Variants in PCDHA4 observed in about 807,000 individuals in gnomAD.
PCDHA4 encodes the protein protocadherin alpha 4, also known as protocadherin alpha-4.
PCDHA4 carries 49 observed loss-of-function variants against 61.4 expected under a neutral mutation model. That is an observed-to-expected ratio of 0.80 (90% CI 0.63 to 1.01). The LOEUF is 1.01. PCDHA4 is among the 50% of genes least tolerant of loss of function. The probability of loss-of-function intolerance (pLI) is 0.00; values close to 1 mark genes in which losing one functional copy is unlikely to be tolerated. For synonymous variants in PCDHA4, 590 were observed against 550.3 expected, an observed-to-expected ratio of 1.07 and a Z score of -1.01; for missense variants, 1,254 against 1,235.8, an observed-to-expected ratio of 1.01 and a Z score of -0.22.
Position 140,823,277 on chromosome 5 carries a change from G to A in PCDHA4, c.2385+13705G>A, listed in dbSNP as rs2150124312. 41 of 1,612,320 alleles carry A rather than the reference G, an allele frequency of 2.5e-5. 1 individual carries two copies. In the East Asian group the frequency reaches 8.7e-4, roughly 34 times the overall value. On this transcript the variant is annotated intron_variant, in intron 1 of 3. Transcript: ENST00000530339. ...CTGGTGGAGCGGCGGGTGGGCGAGC[G>A]CCCGCTGTCGAGTTACGTTTCGGTG...
intron 1 of PCDHA4, chr5:140,930,027 T>A (rs1554207548): frequency 6.6e-6 from 1 of 152,190 alleles, no homozygotes; most frequent in Non-Finnish European, 1.5e-5. Context: ...CATAGCAGTG[T>A]TTTGTAACTG....
chr5:140,928,081 C>T (rs782268064), intron 1 of PCDHA4: 1 of 1,614,090 alleles, frequency 6.2e-7, no homozygotes, highest in Non-Finnish European at 8.5e-7. Context: ...CTACTACAGC[C>T]TGCTGATTGA....
intron 1 of PCDHA4, among the ~76,000 whole-genome samples, chr5:140,900,528 C>T (rs1261076566): frequency 2.6e-5 from 4 of 152,214 alleles, no homozygotes; most frequent in South Asian, 4.1e-4. Flanking sequence ...CTGCCCACCT[C>T]GGCTTTCCAA....
intron 1 of PCDHA4, chr5:140,859,371 T>A: frequency 3.8e-6 from 1 of 264,536 alleles, no homozygotes; most frequent in Non-Finnish European, 6.9e-6. Flanking sequence ...TTGTATAGTT[T>A]AATAGCTTCT....
At chr5:140,834,412 G>T in intron 1 of PCDHA4, 1 of 1,611,044 alleles carries the variant, frequency 6.2e-7, no homozygotes, top group Non-Finnish European at 8.5e-7. Flanking sequence ...TACGACCCAG[G>T]GGGCCGACAT....
chr5:140,876,554 A>G (rs2056417075), intron 1 of PCDHA4: 1 of 1,614,052 alleles, frequency 6.2e-7, no homozygotes, highest in South Asian at 1.1e-5. Flanking sequence ...CCTGTGCAAG[A>G]GGATGCTCAG....
intron 1 of PCDHA4, chr5:140,829,736 G>C (rs2150173634): frequency 6.2e-7 from 1 of 1,613,682 alleles, no homozygotes; most frequent in Non-Finnish European, 8.5e-7. Flanking sequence ...GGGCAGCAAC[G>C]TGACGCTGCA....
At position 140,857,115 on chromosome 5, in the gene PCDHA4, T is replaced by C. The variant is rs782131761; in HGVS notation, c.2385+47543T>C. On this transcript the variant is annotated intron_variant, in intron 1 of 3. Coordinates refer to ENST00000530339, the MANE Select transcript of PCDHA4 (RefSeq NM_018907.4). ...GAGGTGATTGTCACTTCTCTGTCTC[T>C]CCCAGTGAAAGAAGATGCTCAAGTG... 20 of 1,597,830 alleles carry C rather than the reference T, an allele frequency of 1.3e-5. 2 individuals carry two copies. In the East Asian group the frequency reaches 3.8e-4, roughly 30 times the overall value.
intron 2 of PCDHA4, among the ~76,000 whole-genome samples, chr5:140,979,796 T>A (rs1322390860): frequency 3.3e-5 from 5 of 152,236 alleles, no homozygotes; most frequent in Non-Finnish European, 7.3e-5. Flanking sequence ...AAACAAATGA[T>A]CACAACTATC....
intron 1 of PCDHA4, among the ~76,000 whole-genome samples, chr5:140,946,015 G>A (rs246056): frequency 0.57 from 86,078 of 151,518 alleles, 25,094 homozygotes; most frequent in African/African-American, 0.71. Context: ...AAGCTCCTGC[G>A]CAGCAAAGAA....
chr5:140,822,217 G>A (rs1554128520), intron 1 of PCDHA4: 1 of 1,614,270 alleles, frequency 6.2e-7, no homozygotes. Flanking sequence ...AAGAATGCCA[G>A]ATTCGCGGTT....
intron 1 of PCDHA4, chr5:140,968,774 C>G: frequency 6.2e-7 from 1 of 1,614,206 alleles, no homozygotes; most frequent in Non-Finnish European, 8.5e-7. Flanking sequence ...AGAGCCATCA[C>G]TATCAGCCTC....
chr5:140,937,595 C>A (rs940943581), intron 1 of PCDHA4, among the ~76,000 whole-genome samples: 1 of 150,652 alleles, frequency 6.6e-6, no homozygotes, highest in South Asian at 2.1e-4. Flanking sequence ...CTAGCCTGGG[C>A]AACAGAGTGA....
Position 140,968,209 on chromosome 5 carries a change from C to A in PCDHA4, c.2386-10740C>A, listed in dbSNP as rs781795931. The A allele has an allele frequency of 2.5e-6, 4 of 1,613,884 alleles. No homozygotes were observed. In the African/African-American group the frequency reaches 4.0e-5, roughly 16 times the overall value. Reference sequence around the variant, plus strand: ...CCTATTCCATCTACATACAGGAGAACAATTTGCCAGGTGTGTTGCTCTGTA... The same window carrying A: ...CCTATTCCATCTACATACAGGAGAAAAATTTGCCAGGTGTGTTGCTCTGTA... On this transcript the variant is annotated intron_variant, in intron 1 of 3. Coordinates refer to ENST00000530339, the MANE Select transcript of PCDHA4 (RefSeq NM_018907.4).
At chr5:140,918,548 A>G (rs1360159345) in intron 1 of PCDHA4, among the ~76,000 whole-genome samples, 3 of 152,192 alleles carry the variant, frequency 2.0e-5, no homozygotes, top group Non-Finnish European at 4.4e-5. Context: ...TCCATGTGCA[A>G]TTGAGAAGAA....
intron 1 of PCDHA4, 22 bp from the exon 2 acceptor site, chr5:140,978,924 GAAA>G (rs781894146): frequency 6.2e-7 from 1 of 1,614,012 alleles, no homozygotes; most frequent in East Asian, 2.2e-5. Flanking sequence ...CATTTTAACA[GAAA>G]ACTCTCTTTG....
intron 2 of PCDHA4, among the ~76,000 whole-genome samples, chr5:140,981,831 G>A (rs2096952818): frequency 6.6e-6 from 1 of 152,006 alleles, no homozygotes; most frequent in African/African-American, 2.4e-5. Flanking sequence ...TGCCTCTAAA[G>A]GTCTCCCAGT....
rs1355762346 is a variant in PCDHA4, at chr5:140,807,579, C to G, written c.392C>G (p.Pro131Arg). The change falls in exon 1 of 4, where the codon CCG (proline) becomes CGG (arginine). Residue 131 changes from proline (P) to arginine (R), a missense_variant. Pro to Arg is a moderately radical substitution (Grantham distance 103, BLOSUM62 -2). Coordinates refer to ENST00000530339, the MANE Select transcript of PCDHA4 (RefSeq NM_018907.4). Reference sequence around the variant, plus strand: ...GTGAGGGACATTAACGATAACCCGCCGGTGTTCCCAGCAACACAAAAGAAC... The same window carrying G: ...GTGAGGGACATTAACGATAACCCGCGGGTGTTCCCAGCAACACAAAAGAAC... The part of the protein sequence containing the change: ...VEVRDINDNP[P>R]VFPATQKNLS... 8 of 1,614,162 alleles carry G rather than the reference C, an allele frequency of 5.0e-6. No individual in the cohort carries two copies. Among genetic ancestry groups the G allele is most frequent in the South Asian group, 4.4e-5 (4 of 91,080 alleles).
At chr5:140,927,092 G>T in intron 1 of PCDHA4, 1 of 1,612,746 alleles carries the variant, frequency 6.2e-7, no homozygotes, top group Non-Finnish European at 8.5e-7. Flanking sequence ...CTCTACTTCG[G>T]GGTGGATCTA....
Sources: gnomAD v4.1 joint callset for allele counts (sites outside exome capture counted in the v4.1 genomes callset) on GRCh38, gnomAD v4.1.1 for gene constraint, MANE v1.5 for transcripts, NCBI Gene and HGNC (gene_info 2026-07-23, HGNC 2026-07-21) for gene names.